The following MYO15A variants were observed in gnomAD, a reference collection of about 807,000 sequenced individuals.
MYO15A encodes myosin XVA.
A neutral mutation model predicts 394.6 loss-of-function variants in MYO15A; 308 were observed. The observed-to-expected ratio is 0.78, with a 90% CI of 0.71 to 0.86. The LOEUF (loss-of-function observed/expected upper bound fraction) is 0.86. Ranked by LOEUF, MYO15A falls within the 40% of genes least tolerant of loss-of-function variation. The pLI, the probability that MYO15A is intolerant of heterozygous loss-of-function variation, is 0.00. For missense variants in MYO15A, 4,606 were observed against 4,799.1 expected, an observed-to-expected ratio of 0.96 and a Z score of 1.19; for synonymous variants, 1,957 against 2,003.8, an observed-to-expected ratio of 0.98 and a Z score of 0.62.
intron 44 of MYO15A, 111 bp from the exon 45 acceptor site, chr17:18,154,569 C>G (rs1374669884): frequency 9.0e-7 from 1 of 1,111,672 alleles, no homozygotes. Flanking sequence ...GATGACCCCA[C>G]TGCTGCAAAA....
At chr17:18,156,444 A>G (rs2046677060) in intron 48 of MYO15A, 108 bp downstream of exon 48, 1 of 1,311,832 alleles carries the variant, frequency 7.6e-7, no homozygotes, top group Admixed American at 2.0e-5. Flanking sequence ...TGTCTACCTT[A>G]AGGCCTTTGC....
At position 18,127,148 on chromosome 17, in the gene MYO15A, C is replaced by T. The variant is rs374336846; in HGVS notation, c.4015C>T (p.Arg1339Trp). 21 of 1,613,938 alleles carry T rather than the reference C, an allele frequency of 1.3e-5. No homozygotes were observed. Among genetic ancestry groups the T allele is most frequent in the South Asian group, 6.6e-5 (6 of 91,084 alleles). ...LRYLAAMNQK[R>W]EVMQQIKILE... Reference sequence around the variant, plus strand: ...CTACCTGGCCGCCATGAACCAGAAACGGGAGGTCATGCAGCAGGTGAGTCT... The same window carrying T: ...CTACCTGGCCGCCATGAACCAGAAATGGGAGGTCATGCAGCAGGTGAGTCT... The change falls in exon 7 of 66, where the codon CGG (arginine) becomes TGG (tryptophan). Residue 1339 changes from arginine to tryptophan, a missense_variant. Arg to Trp is a moderately radical substitution (Grantham distance 101). Transcript: ENST00000647165.
Position 18,146,001 on chromosome 17 carries a change from G to A in MYO15A, c.6403G>A (p.Val2135Met). 1 of 1,613,932 alleles carries A rather than the reference G, an allele frequency of 6.2e-7. No homozygotes were observed. Among genetic ancestry groups the A allele is most frequent in the Non-Finnish European group, 8.5e-7 (1 of 1,180,036 alleles). Residue 2135 changes from valine (V) to methionine (M), a missense_variant, in exon 30 of 66, where the codon GTG becomes ATG. Physicochemically the swap from Val to Met is conservative, Grantham distance 21 (BLOSUM62 1). Transcript: ENST00000647165. The part of the protein sequence containing the change: ...DEILAQLANQ[V>M]WHNHNAHNAE... ...GATCCTGGCACAGCTGGCCAATCAG[G>A]TGTGGCACAATCACAATGCCCACAA...
chr17:18,158,889 G>A, intron 52 of MYO15A, 36 bp from the exon 53 acceptor site: 1 of 1,612,388 alleles, frequency 6.2e-7, no homozygotes, highest in Non-Finnish European at 8.5e-7. Flanking sequence ...CAAGGCTTGG[G>A]CAGGACAGGT....
chr17:18,130,250 G>T (rs547012397), intron 7 of MYO15A, among the ~76,000 whole-genome samples: 115 of 151,978 alleles, frequency 7.6e-4, no homozygotes, highest in African/African-American at 2.7e-3. Context: ...CTGTGTAGAC[G>T]CTGGGGACTC....
chr17:18,139,431 G>A (rs2046338536), intron 18 of MYO15A, 103 bp from the exon 19 acceptor site: 2 of 1,313,620 alleles, frequency 1.5e-6, no homozygotes, highest in Non-Finnish European at 2.1e-6. Flanking sequence ...AATGGTGGGG[G>A]CTGGAGGGGT....
At position 18,141,819 on chromosome 17, in the gene MYO15A, G is replaced by A. The variant is rs566030709; in HGVS notation, c.5649+49G>A. On this transcript the variant is annotated intron_variant, in intron 23 of 65. Transcript: ENST00000647165. ...CCTTGGAGACCCCAAGTTTGGGGGG[G>A]TCCACAACTACTGAGTCAGAAATGT... 2.2e-5 allele frequency: 34 copies of A among 1,568,266 alleles called. No individual in the cohort carries two copies. In the South Asian group the frequency reaches 2.6e-4, roughly 12 times the overall value.
intron 33 of MYO15A, 74 bp from the exon 34 acceptor site, chr17:18,149,142 G>A: frequency 3.8e-6 from 6 of 1,585,508 alleles, no homozygotes; most frequent in Non-Finnish European, 5.2e-6. Flanking sequence ...CTGAATACCA[G>A]GGTGCAGAAG....
At position 18,173,035 on chromosome 17, in the gene MYO15A, G is replaced by T. The variant is rs149050343; in HGVS notation, c.10350+745G>T. 5.1e-3 allele frequency among the ~76,000 whole-genome samples: 779 copies of T among 152,284 alleles called. 6 individuals are homozygous for T. The highest frequency in any genetic ancestry group is 5.2e-3 in the Non-Finnish European group (352 of 68,024). ...TGATTCCAGGAAACACTGGAGTGAG[G>T]AAGTGAGACAGGGAAGGGATGGAGC... On this transcript the variant is annotated intron_variant, in intron 64 of 65. Coordinates refer to ENST00000647165, the MANE Select transcript of MYO15A (RefSeq NM_016239.4).
chr17:18,150,626 A>G lies in MYO15A; in HGVS notation c.7328-72A>G. On this transcript the variant is annotated intron_variant, in intron 36 of 65. Transcript: ENST00000647165. The surrounding 1 kb of genome is among the most constrained non-coding windows in gnomAD (Gnocchi z 4.4). ...GTGCTAGAATGGAGGCAGCCACAGC[A>G]TGATGGGGGCTGAGAGGACAGGGAG... 6.2e-7 allele frequency: 1 copy of G among 1,607,642 alleles called. No homozygotes were observed. Among genetic ancestry groups the G allele is most frequent in the Non-Finnish European group, 8.5e-7 (1 of 1,176,052 alleles).
At chr17:18,130,733 T>C (rs954492922) in intron 7 of MYO15A, 72 bp from the exon 8 acceptor site, 2 of 1,608,888 alleles carry the variant, frequency 1.2e-6, no homozygotes, top group African/African-American at 2.7e-5. Flanking sequence ...GAGAGAGTGG[T>C]GGTCGGTCCT....
chr17:18,116,858 T>G (rs978765727), intron 1 of MYO15A, among the ~76,000 whole-genome samples: 1 of 151,262 alleles, frequency 6.6e-6, no homozygotes, highest in African/African-American at 2.4e-5. Context: ...AGGCGGAGGT[T>G]GCAGTGAGCC....
intron 33 of MYO15A, 112 bp from the exon 34 acceptor site, chr17:18,149,104 G>A (rs2046534813): frequency 6.6e-7 from 1 of 1,507,302 alleles, no homozygotes; most frequent in Non-Finnish European, 9.0e-7. Context: ...GTTCACCAAA[G>A]GATCCTGCTT....
rs1333262863 is a variant in MYO15A at position 18,150,382 on chromosome 17, G to A, written c.7213-47G>A. On this transcript the variant is annotated intron_variant, in intron 35 of 65. Transcript: ENST00000647165. This position sits in a 1 kb window ranked among gnomAD's most constrained non-coding sequence, Gnocchi z 4.4. ...CAGGTGCCTGTTGCCATGGAACCTT[G>A]GGAGTACAATAATGAGATGGTCACT... 6.4e-7 allele frequency: 1 copy of A among 1,561,416 alleles called. No homozygotes were observed. Among genetic ancestry groups the A allele is most frequent in the Admixed American group, 1.7e-5 (1 of 59,820 alleles).
intron 5 of MYO15A, 150 bp from the exon 6 acceptor site, chr17:18,126,641 C>T: frequency 2.6e-6 from 3 of 1,134,248 alleles, no homozygotes; most frequent in East Asian, 2.4e-5. Context: ...CACTGTCGTT[C>T]AGACCAGGAT....
chr17:18,122,374 TG>T lies in MYO15A; in HGVS notation c.3577del (p.Glu1193ArgfsTer35). Reference sequence around the variant, plus strand: ...TGCCTGCCTGTCCCTTAGGGGCTCCTGGGAGGAGGTCGGCCCGCCAAGCTGG... The same window carrying T: ...TGCCTGCCTGTCCCTTAGGGGCTCCTGGAGGAGGTCGGCCCGCCAAGCTGG... ...GAACLSLRGSWEEVGPPSWRN... is the reference protein window; with the variant it reads ...GAACLSLRGSXEEVGPPSWRN... On this transcript the variant is annotated frameshift_variant, in exon 2 of 66. Coordinates refer to ENST00000647165, the MANE Select transcript of MYO15A (RefSeq NM_016239.4). LOFTEE classifies it high-confidence loss of function. 6.2e-7 allele frequency: 1 copy of T among 1,612,622 alleles called. No homozygotes were observed. The highest frequency in any genetic ancestry group is 8.5e-7 in the Non-Finnish European group (1 of 1,179,870).
chr17:18,120,469 T>C lies in MYO15A; in HGVS notation c.1669T>C (p.Phe557Leu). 6.3e-7 allele frequency: 1 copy of C among 1,575,042 alleles called. No individual in the cohort carries two copies. Among genetic ancestry groups the C allele is most frequent in the Non-Finnish European group, 8.6e-7 (1 of 1,163,998 alleles). The change falls in exon 2 of 66, where the codon TTC (phenylalanine) becomes CTC (leucine). Residue 557 changes from phenylalanine (F) to leucine (L), a missense_variant. Physicochemically the swap from Phe to Leu is conservative, Grantham distance 22. Coordinates refer to ENST00000647165, the MANE Select transcript of MYO15A (RefSeq NM_016239.4). ...SAFGAHRGLGFGPEFGRPVPR... is the reference protein window; with the variant it reads ...SAFGAHRGLGLGPEFGRPVPR... Reference sequence around the variant, plus strand: ...CTTCGGCGCCCACCGGGGCCTGGGCTTCGGCCCTGAGTTTGGCCGCCCCGT... The same window carrying C: ...CTTCGGCGCCCACCGGGGCCTGGGCCTCGGCCCTGAGTTTGGCCGCCCCGT...
chr17:18,119,682 T>C lies in MYO15A; in HGVS notation c.882T>C (p.Tyr294=). 1 of 1,608,148 alleles carries C rather than the reference T, an allele frequency of 6.2e-7. No individual in the cohort carries two copies. Among genetic ancestry groups the C allele is most frequent in the Non-Finnish European group, 8.5e-7 (1 of 1,179,928 alleles). Residue 294 remains tyrosine (Y), a synonymous_variant, in exon 2 of 66, where the codon TAT becomes TAC. Coordinates refer to ENST00000647165, the MANE Select transcript of MYO15A (RefSeq NM_016239.4). The part of the protein sequence containing the change: ...EDPYDYYHPD[Y]YGGPFDPGYT... ...CCTACGACTACTACCACCCCGACTA[T>C]TACGGTGGCCCCTTTGATCCGGGGT... is the stretch of plus-strand genomic sequence containing the variant.
intron 15 of MYO15A, 55 bp downstream of exon 15, chr17:18,136,741 C>T (rs1006473769): frequency 1.1e-5 from 17 of 1,536,004 alleles, no homozygotes; most frequent in Non-Finnish European, 1.5e-5. Context: ...TCTCGCCTCC[C>T]TCAGGCGTCT....
Sources: gnomAD v4.1 joint callset for allele counts (sites outside exome capture counted in the v4.1 genomes callset) on GRCh38, gnomAD v4.1.1 for gene constraint, Gnocchi (gnomAD v3.1) non-coding constraint, MANE v1.5 for transcripts, NCBI Gene and HGNC (gene_info 2026-07-23, HGNC 2026-07-21) for gene names.